TXLNB: variants seen among roughly 807,000 people sequenced by gnomAD.
TXLNB encodes taxilin beta.
A neutral mutation model predicts 57.4 loss-of-function variants in TXLNB; 37 were observed. That is an observed-to-expected ratio of 0.64 (90% CI 0.50 to 0.85). The LOEUF (loss-of-function observed/expected upper bound fraction) is 0.85, where lower values mean the gene tolerates loss of function less well. Among genes scored for constraint, TXLNB ranks in the 40% least tolerant of loss-of-function variants. TXLNB has a pLI of 0.00. For synonymous variants in TXLNB, 302 were observed against 309.6 expected, an observed-to-expected ratio of 0.98 and a Z score of 0.26; for missense variants, 848 against 825.6, an observed-to-expected ratio of 1.03 and a Z score of -0.33.
rs146404663 is a variant in TXLNB at position 139,246,577 on chromosome 6, C to A, written c.1170+1240G>T. ...TCCAAAATGTATTAATTTAACTTCA[C>A]AATCTTGTGAGTTAGGCAGGGAAAG... is the stretch of plus-strand genomic sequence containing the variant. On this transcript the variant is annotated intron_variant, in intron 8 of 9. Coordinates refer to ENST00000358430, the MANE Select transcript of TXLNB (RefSeq NM_153235.4). 6.0e-3 allele frequency among the ~76,000 whole-genome samples: 920 copies of A among 152,072 alleles called. 8 individuals are homozygous for A. The highest frequency in any genetic ancestry group is 0.021 in the African/African-American group (882 of 41,440).
intron 4 of TXLNB, 54 bp from the exon 5 acceptor site, chr6:139,262,827 TCAGCATTAGGTCA>T: frequency 6.4e-7 from 1 of 1,567,758 alleles, no homozygotes; most frequent in Non-Finnish European, 8.7e-7. Context: ...TTTATAGAAC[TCAGCATTAGGTCA>T]CCTAAAGGAG....
chr6:139,185,626 G>A, the TXLNB span, among the ~76,000 whole-genome samples: 15 of 152,188 alleles, frequency 9.9e-5, no homozygotes, highest in Middle Eastern at 6.8e-3. Context: ...GCGTGAACCC[G>A]GGAGGCGGAG....
the TXLNB span, among the ~76,000 whole-genome samples, chr6:139,307,320 G>A: frequency 6.6e-6 from 1 of 152,284 alleles, no homozygotes; most frequent in African/African-American, 2.4e-5. Flanking sequence ...CTCTTGAGTA[G>A]CTGGAACTAC....
At chr6:139,322,762 A>G in the TXLNB span, among the ~76,000 whole-genome samples, 9 of 152,126 alleles carry the variant, frequency 5.9e-5, no homozygotes, top group African/African-American at 2.2e-4. Flanking sequence ...CCAGCTTTAT[A>G]TCCCCCTTGT....
upstream of TXLNB, among the ~76,000 whole-genome samples, chr6:139,294,967 C>A (rs1042490844): frequency 6.6e-6 from 1 of 151,380 alleles, no homozygotes; most frequent in Non-Finnish European, 1.5e-5. Context: ...CCAGCCTGGG[C>A]GACAGAGCAA....
At chr6:139,233,885 C>T in the TXLNB span, among the ~76,000 whole-genome samples, 41 of 152,128 alleles carry the variant, frequency 2.7e-4, no homozygotes, top group South Asian at 8.3e-4. Context: ...TTGGAGGGCT[C>T]GGAAGATGTG....
intron 2 of TXLNB, among the ~76,000 whole-genome samples, chr6:139,279,360 T>C (rs1776986256): frequency 6.6e-6 from 1 of 152,216 alleles, no homozygotes; most frequent in South Asian, 2.1e-4. Flanking sequence ...TGTTATTTTG[T>C]ATAGAAGGTT....
At chr6:139,222,855 G>C in the TXLNB span, among the ~76,000 whole-genome samples, 1 of 152,116 alleles carries the variant, frequency 6.6e-6, no homozygotes, top group Admixed American at 6.5e-5. Flanking sequence ...CTGATAGTAA[G>C]AGCTTTAACT....
chr6:139,171,825 TTTG>T, the TXLNB span, among the ~76,000 whole-genome samples: 1 of 151,556 alleles, frequency 6.6e-6, no homozygotes, highest in South Asian at 2.1e-4. Context: ...GTTGTTGTTG[TTTG>T]TTGTTGTGTT....
the TXLNB span, among the ~76,000 whole-genome samples, chr6:139,189,731 C>T: frequency 6.6e-6 from 1 of 152,084 alleles, no homozygotes; most frequent in African/African-American, 2.4e-5. Context: ...GGAGAGAGGT[C>T]AGAGCCAGAT....
At chr6:139,308,245 T>G in the TXLNB span, among the ~76,000 whole-genome samples, 1 of 152,324 alleles carries the variant, frequency 6.6e-6, no homozygotes, top group African/African-American at 2.4e-5. Context: ...TGTATGGTTA[T>G]TGCTATATAA....
chr6:139,293,544 C>CGACA (rs144644364), upstream of TXLNB, among the ~76,000 whole-genome samples: 6,827 of 151,792 alleles, frequency 0.045, 504 homozygotes, highest in African/African-American at 0.15. Context: ...TGCAATCCTG[C>CGACA]GACATTGATC....
chr6:139,195,676 C>A, the TXLNB span, among the ~76,000 whole-genome samples: 2 of 152,062 alleles, frequency 1.3e-5, no homozygotes, highest in Non-Finnish European at 2.9e-5. Flanking sequence ...TGAAGACAAC[C>A]TAATGTAAAC....
chr6:139,207,514 A>G, the TXLNB span, among the ~76,000 whole-genome samples: 2 of 152,190 alleles, frequency 1.3e-5, no homozygotes, highest in African/African-American at 2.4e-5. Flanking sequence ...AGCATTAAAC[A>G]TCTACATCAA....
At chr6:139,216,096 T>C in the TXLNB span, among the ~76,000 whole-genome samples, 6 of 152,144 alleles carry the variant, frequency 3.9e-5, no homozygotes, top group Admixed American at 6.6e-5. Flanking sequence ...ACTAGAAATA[T>C]CATTTGACCC....
Position 139,288,581 on chromosome 6 carries a change from C to T in TXLNB, c.319G>A (p.Glu107Lys), listed in dbSNP as rs74766867. Residue 107 changes from glutamate (E) to lysine (K), a missense_variant, in exon 2 of 10, where the codon GAA becomes AAA. Glu to Lys is a moderately conservative substitution (Grantham distance 56). Transcript: ENST00000358430. Reference protein sequence around the residue: ...NEDGDCEETTEEAGREPVASG... With the variant: ...NEDGDCEETTKEAGREPVASG... The stretch of plus-strand genomic sequence containing the variant: ...GCAACGGGTTCTCTTCCAGCCTCTT[C>T]AGTTGTTTCCTCACAGTCCCCATCC... 69 of 1,614,218 alleles carry T rather than the reference C, an allele frequency of 4.3e-5. No individual in the cohort carries two copies. In the African/African-American group the frequency reaches 7.3e-4, roughly 17 times the overall value.
intron 1 of TXLNB, among the ~76,000 whole-genome samples, chr6:139,290,182 C>T: frequency 6.6e-6 from 1 of 152,080 alleles, no homozygotes; most frequent in Non-Finnish European, 1.5e-5. Context: ...GGCCAGGAGA[C>T]CAGCCTGGCC....
At chr6:139,290,047 A>G (rs1365735201) in intron 1 of TXLNB, among the ~76,000 whole-genome samples, 1 of 152,142 alleles carries the variant, frequency 6.6e-6, no homozygotes, top group African/African-American at 2.4e-5. Flanking sequence ...TCATTTTTAG[A>G]TTAAGACAGG....
chr6:139,221,591 T>C, the TXLNB span, among the ~76,000 whole-genome samples: 1 of 152,188 alleles, frequency 6.6e-6, no homozygotes, highest in African/African-American at 2.4e-5. Flanking sequence ...ATCCAGATAT[T>C]GCAATGATCG....
Sources: allele counts gnomAD v4.1 joint callset (sites outside exome capture counted in the v4.1 genomes callset), GRCh38; gene constraint gnomAD v4.1.1; transcripts MANE v1.5; gene names NCBI Gene and HGNC (gene_info 2026-07-23, HGNC 2026-07-21).